Variants in ATP2A1 observed in about 807,000 individuals in gnomAD.
The protein encoded by ATP2A1 is sarcoplasmic/endoplasmic reticulum calcium ATPase 1.
A neutral mutation model predicts 109.5 loss-of-function variants in ATP2A1; 83 were observed. The ratio of observed to expected loss-of-function variants is 0.76; its 90% confidence interval spans 0.63 to 0.91. ATP2A1 has a LOEUF of 0.91. Among genes scored for constraint, ATP2A1 ranks in the 40% least tolerant of loss-of-function variants. The probability of loss-of-function intolerance (pLI) is 0.00; values close to 1 mark genes in which losing one functional copy is unlikely to be tolerated. For synonymous variants in ATP2A1, 505 were observed against 537.6 expected (o/e 0.94, Z 0.84); for missense variants, 1,101 against 1,341.0 (o/e 0.82, Z 2.80).
chr16:28,904,325 C>T lies in ATP2A1; in HGVS notation c.*183C>T. On this transcript the variant is annotated 3_prime_UTR_variant, in exon 23 of 23. Coordinates refer to ENST00000395503, the MANE Select transcript of ATP2A1 (RefSeq NM_004320.6). ...ATGTGTCTGTTTATAAACATGTCCC[C>T]TTCCCTTTCCTTCCCCCTCGGCCAC... 6.3e-7 allele frequency: 1 copy of T among 1,574,878 alleles called. No individual in the cohort carries two copies. The highest frequency in any genetic ancestry group is 2.3e-5 in the East Asian group (1 of 42,658).
chr16:28,887,124 A>C, intron 6 of ATP2A1, 65 bp from the exon 7 acceptor site: 1 of 1,518,664 alleles, frequency 6.6e-7, no homozygotes, highest in East Asian at 2.3e-5. Context: ...GGAGAGAGTT[A>C]GGCACGGGAA....
intron 6 of ATP2A1, among the ~76,000 whole-genome samples, chr16:28,885,011 G>C (rs1963580446): frequency 6.6e-6 from 1 of 152,062 alleles, no homozygotes; most frequent in Non-Finnish European, 1.5e-5. Context: ...GGCCGAGGTG[G>C]GTGGATCACC....
Position 28,878,516 on chromosome 16 carries a change from A to C in ATP2A1, c.-156A>C. The C allele has an allele frequency of 1.4e-6, 1 of 732,324 alleles. No homozygotes were observed. Among genetic ancestry groups the C allele is most frequent in the East Asian group, 2.7e-5 (1 of 36,806 alleles). The allele number at this position is 732,324 out of a possible 1,614,324, so 45.4% of individuals were successfully genotyped here. On this transcript the variant is annotated 5_prime_UTR_variant, in exon 1 of 23. Coordinates refer to ENST00000395503, the MANE Select transcript of ATP2A1 (RefSeq NM_004320.6). ...CGGCTGCTCAAGTGGGACGGGGGTC[A>C]GAGCTTTGTGGAGGGAAGAAAAACC...
At position 28,887,435 on chromosome 16, in the gene ATP2A1, T is replaced by C; in HGVS notation, c.641T>C (p.Ile214Thr). 1 of 1,613,984 alleles carries C rather than the reference T, an allele frequency of 6.2e-7. No homozygotes were observed. The highest frequency in any genetic ancestry group is 8.5e-7 in the Non-Finnish European group (1 of 1,179,984). Residue 214 changes from isoleucine (I) to threonine (T), a missense_variant, in exon 8 of 23, where the codon ATT becomes ACT. By Grantham distance (89) the Ile-to-Thr change is moderately conservative. Coordinates refer to ENST00000395503, the MANE Select transcript of ATP2A1 (RefSeq NM_004320.6). ...KKNMLFSGTN[I>T]AAGKALGIVA... ...TCTTTCCCTTCCCAGGGCACCAACA[T>C]TGCAGCCGGCAAGGCCTTGGGCATC...
In ATP2A1 at chr16:28,898,037, A is replaced by G. The variant is rs1454654160; in HGVS notation, c.1457A>G (p.Glu486Gly). 11 of 1,613,988 alleles carry G rather than the reference A, an allele frequency of 6.8e-6. No homozygotes were observed. Among genetic ancestry groups the G allele is most frequent in the Non-Finnish European group, 8.5e-6 (10 of 1,180,010 alleles). ...CTAATGAAGAAGGAATTCACCCTGG[A>G]GTTCTCCCGAGACAGAAAGTCCATG... ...RQLMKKEFTLEFSRDRKSMSV... is the reference protein window; with the variant it reads ...RQLMKKEFTLGFSRDRKSMSV... Residue 486 changes from glutamate to glycine, a missense_variant, in exon 13 of 23, where the codon GAG becomes GGG. Physicochemically the swap from Glu to Gly is moderately conservative, Grantham distance 98. Transcript: ENST00000395503. The surrounding 1 kb of genome is among the most constrained non-coding windows in gnomAD (Gnocchi z 4.0).
rs1963414470 is a variant in ATP2A1 at position 28,880,060 on chromosome 16, C to T, written c.219+477C>T. Reference sequence around the variant, plus strand: ...CGCTCCTAGTGGCGGGAAAGCGCGGCGGTGTGATGATGACTCCAAGGAGCC... The same window carrying T: ...CGCTCCTAGTGGCGGGAAAGCGCGGTGGTGTGATGATGACTCCAAGGAGCC... On this transcript the variant is annotated intron_variant, in intron 3 of 22. Coordinates refer to ENST00000395503, the MANE Select transcript of ATP2A1 (RefSeq NM_004320.6). This position sits in a 1 kb window ranked among gnomAD's most constrained non-coding sequence, Gnocchi z 4.2. 4 of 1,003,692 alleles carry T rather than the reference C, an allele frequency of 4.0e-6. No individual in the cohort carries two copies. The highest frequency in any genetic ancestry group is 1.7e-5 in the African/African-American group (1 of 57,334). The allele number at this position is 1,003,692 out of a possible 1,614,324, so 62.2% of individuals were successfully genotyped here. A position where few individuals can be genotyped will look rare whatever the true frequency, so the allele number is the denominator to read the frequency against.
In ATP2A1 at chr16:28,883,766, A is replaced by C; in HGVS notation, c.464-809A>C. On this transcript the variant is annotated intron_variant, in intron 5 of 22. Coordinates refer to ENST00000395503, the MANE Select transcript of ATP2A1 (RefSeq NM_004320.6). This position sits in a 1 kb window ranked among gnomAD's most constrained non-coding sequence, Gnocchi z 5.2. ...TGTGCTGCCCGCCCCACTCTTCCAC[A>C]CCTGTTTCCTGCCCAACCCCCGCTT... Among the ~76,000 whole-genome samples the C allele has an allele frequency of 6.7e-6, 1 of 150,280 alleles. No homozygotes were observed. Among genetic ancestry groups the C allele is most frequent in the African/African-American group, 2.5e-5 (1 of 40,746 alleles).
intron 5 of ATP2A1, 72 bp from the exon 6 acceptor site, chr16:28,884,503 G>A: frequency 7.1e-7 from 1 of 1,409,796 alleles, no homozygotes; most frequent in East Asian, 2.3e-5. Context: ...GTCAGACACA[G>A]ATTGGGTTTT....
chr16:28,887,000 A>G (rs572677954), intron 6 of ATP2A1, among the ~76,000 whole-genome samples, 189 bp from the exon 7 acceptor site: 37 of 151,526 alleles, frequency 2.4e-4, no homozygotes, highest in African/African-American at 8.0e-4. Context: ...CTCAAAAAAA[A>G]AAAAAAAAAA....
Position 28,902,540 on chromosome 16 carries a change from T to A in ATP2A1, c.2525-40T>A. 3 of 1,601,966 alleles carry A rather than the reference T, an allele frequency of 1.9e-6. No individual in the cohort carries two copies. Among genetic ancestry groups the A allele is most frequent in the Non-Finnish European group, 2.6e-6 (3 of 1,171,026 alleles). ...CCCTCAACCCTCGATGCCCCCTATCTCCCCAGCCCTGACCCCCGACTCCCC... is the reference window on the plus strand; with the variant it reads ...CCCTCAACCCTCGATGCCCCCTATCACCCCAGCCCTGACCCCCGACTCCCC... On this transcript the variant is annotated intron_variant, in intron 17 of 22. Coordinates refer to ENST00000395503, the MANE Select transcript of ATP2A1 (RefSeq NM_004320.6). This position sits in a 1 kb window ranked among gnomAD's most constrained non-coding sequence, Gnocchi z 4.8.
rs1596690249 is a variant in ATP2A1 at position 28,903,766 on chromosome 16, C to A, written c.*37+25C>A. 2 of 1,609,802 alleles carry A rather than the reference C, an allele frequency of 1.2e-6. No homozygotes were observed. Among genetic ancestry groups the A allele is most frequent in the East Asian group, 2.2e-5 (1 of 44,860 alleles). ...GGTATCACCCCCTTCTTGCCCTCAG[C>A]CCAGCTGCTGTGCCCCTGCCACCCG... On this transcript the variant is annotated intron_variant, in intron 22 of 22. Coordinates refer to ENST00000395503, the MANE Select transcript of ATP2A1 (RefSeq NM_004320.6). This position sits in a 1 kb window ranked among gnomAD's most constrained non-coding sequence, Gnocchi z 5.6.
intron 1 of ATP2A1, 31 bp from the exon 2 acceptor site, chr16:28,879,068 A>C (rs1567477438): frequency 6.2e-7 from 1 of 1,613,832 alleles, no homozygotes; most frequent in Non-Finnish European, 8.5e-7. Flanking sequence ...ACCCCAAATG[A>C]ATCTGTCCTT....
At chr16:28,879,625 G>C (rs746462326) in intron 3 of ATP2A1, 42 bp downstream of exon 3, 2 of 1,594,904 alleles carry the variant, frequency 1.3e-6, no homozygotes, top group Admixed American at 3.4e-5. Flanking sequence ...GGGGGTGTGA[G>C]GCTGGGATCG....
At chr16:28,879,373 C>A in intron 2 of ATP2A1, 128 bp from the exon 3 acceptor site, 1 of 979,078 alleles carries the variant, frequency 1.0e-6, no homozygotes, top group Non-Finnish European at 1.6e-6. Context: ...TAGCCCTTCT[C>A]TGGGCACCAA....
At position 28,898,478 on chromosome 16, in the gene ATP2A1, C is replaced by T. The variant is rs768648194; in HGVS notation, c.1764+27C>T. ...TAAGCAGCTGGGAGCCTCCCACTGT[C>T]GTGGAGCTGGTGAAGGGCCGGGTCC... On this transcript the variant is annotated intron_variant, in intron 14 of 22. Transcript: ENST00000395503. This position sits in a 1 kb window ranked among gnomAD's most constrained non-coding sequence, Gnocchi z 4.0. 1.9e-5 allele frequency: 30 copies of T among 1,603,578 alleles called. No homozygotes were observed. Among genetic ancestry groups the T allele is most frequent in the South Asian group, 1.4e-4 (13 of 90,304 alleles).
chr16:28,901,819 G>A, intron 15 of ATP2A1, 44 bp from the exon 16 acceptor site: 2 of 1,528,182 alleles, frequency 1.3e-6, no homozygotes, highest in Non-Finnish European at 1.8e-6. Context: ...AAAAAGGAGG[G>A]ATGTGTGAAG....
chr16:28,892,572 G>T (rs1963801395), intron 9 of ATP2A1: 1 of 158,066 alleles, frequency 6.3e-6, no homozygotes, highest in Non-Finnish European at 1.4e-5. Flanking sequence ...TCTGACCACA[G>T]AACTTTTTTG....
Position 28,882,544 on chromosome 16 carries a change from A to T in ATP2A1, c.418A>T (p.Ile140Phe). The T allele has an allele frequency of 1.2e-6, 2 of 1,614,202 alleles. No individual in the cohort carries two copies. The highest frequency in any genetic ancestry group is 1.7e-6 in the Non-Finnish European group (2 of 1,180,016). Residue 140 changes from isoleucine to phenylalanine, a missense_variant, in exon 5 of 23, where the codon ATC becomes TTC. By Grantham distance (21) the Ile-to-Phe change is conservative. Transcript: ENST00000395503. The part of the protein sequence containing the change: ...YRADRKSVQR[I>F]KARDIVPGDI... The stretch of plus-strand genomic sequence containing the variant: ...GGCTGACCGCAAGTCAGTGCAAAGG[A>T]TCAAGGCTCGGGACATCGTCCCTGG...
At chr16:28,882,853 G>A (rs932306607) in intron 5 of ATP2A1, among the ~76,000 whole-genome samples, 9 of 152,280 alleles carry the variant, frequency 5.9e-5, no homozygotes, top group Middle Eastern at 3.4e-3. Flanking sequence ...ACTTGCACTC[G>A]CAGGCAACAG....
Sources: gnomAD v4.1 joint callset for allele counts (sites outside exome capture counted in the v4.1 genomes callset) on GRCh38, gnomAD v4.1.1 for gene constraint, Gnocchi (gnomAD v3.1) non-coding constraint, MANE v1.5 for transcripts, NCBI Gene and HGNC (gene_info 2026-07-23, HGNC 2026-07-21) for gene names.